The following MSR1 variants were observed in gnomAD, a reference collection of about 807,000 sequenced individuals.
MSR1 encodes the protein macrophage scavenger receptor 1.
A neutral mutation model predicts 47.2 loss-of-function variants in MSR1; 53 were observed. The ratio of observed to expected loss-of-function variants is 1.12; its 90% CI spans 0.90 to 1.41. MSR1 has a LOEUF of 1.41. Among genes scored for constraint, MSR1 ranks in the 40% most tolerant of loss-of-function variants. MSR1 has a pLI of 0.00. For missense variants in MSR1, 786 were observed against 546.9 expected (o/e 1.44, Z -4.36); for synonymous variants, 239 against 185.6 (o/e 1.29, Z -2.34).
chr8:16,150,336 GA>G, intron 6 of MSR1, 25 bp from the exon 7 acceptor site: 1 of 1,418,782 alleles, frequency 7.0e-7, no homozygotes, highest in Non-Finnish European at 9.7e-7. Context: ...AAGAAAAAAA[GA>G]AGGTAATAAT....
At chr8:16,127,528 T>C (rs1800156738) in intron 8 of MSR1, among the ~76,000 whole-genome samples, 1 of 152,122 alleles carries the variant, frequency 6.6e-6, no homozygotes, top group African/African-American at 2.4e-5. Flanking sequence ...AATGAGTATA[T>C]CTTATCTCTA....
chr8:16,185,113 G>C (rs985022266), intron 1 of MSR1, among the ~76,000 whole-genome samples: 2 of 151,004 alleles, frequency 1.3e-5, no homozygotes, highest in East Asian at 2.0e-4. Flanking sequence ...AAAGGGATTG[G>C]TTTATCATGA....
At chr8:16,142,639 C>T (rs1800591130) in intron 8 of MSR1, among the ~76,000 whole-genome samples, 1 of 152,064 alleles carries the variant, frequency 6.6e-6, no homozygotes, top group East Asian at 1.9e-4. Flanking sequence ...TTTTGTAGGG[C>T]AGATAAATTG....
At chr8:16,136,847 C>A (rs1800402975) in intron 8 of MSR1, among the ~76,000 whole-genome samples, 1 of 152,016 alleles carries the variant, frequency 6.6e-6, no homozygotes, top group South Asian at 2.1e-4. Flanking sequence ...GTGATCCACC[C>A]ACCTTGGCCT....
At chr8:16,153,694 G>A (rs913447018) in intron 6 of MSR1, among the ~76,000 whole-genome samples, 14 of 151,970 alleles carry the variant, frequency 9.2e-5, no homozygotes, top group African/African-American at 3.4e-4. Flanking sequence ...CTCCCAAGAT[G>A]AAGCACTGTA....
At chr8:16,131,628 G>A (rs1004813741) in intron 8 of MSR1, among the ~76,000 whole-genome samples, 1 of 151,828 alleles carries the variant, frequency 6.6e-6, no homozygotes, top group Admixed American at 6.6e-5. Flanking sequence ...TTACTTTTAA[G>A]TCTTTAATCC....
At chr8:16,144,858 T>G (rs1378641824) in intron 7 of MSR1, among the ~76,000 whole-genome samples, 2 of 152,086 alleles carry the variant, frequency 1.3e-5, no homozygotes, top group East Asian at 3.9e-4. Context: ...CGCAGTTCAT[T>G]TTATATGGTA....
chr8:16,179,579 T>C (rs1162015770), intron 1 of MSR1, among the ~76,000 whole-genome samples: 1 of 152,082 alleles, frequency 6.6e-6, no homozygotes, highest in Non-Finnish European at 1.5e-5. Context: ...TCCTGGATCT[T>C]TTAAGAAAAT....
intron 8 of MSR1, 64 bp from the exon 9 acceptor site, chr8:16,120,670 T>A: frequency 6.7e-7 from 1 of 1,497,820 alleles, no homozygotes. Context: ...ATGTACATAC[T>A]GCTTTACAGC....
At chr8:16,147,654 C>T (rs1363969032) in intron 7 of MSR1, among the ~76,000 whole-genome samples, 1 of 152,048 alleles carries the variant, frequency 6.6e-6, no homozygotes, top group Non-Finnish European at 1.5e-5. Context: ...AATTTTAGCA[C>T]CTTCTTCAGA....
chr8:16,150,439 C>G (rs1033698535), intron 6 of MSR1, 128 bp from the exon 7 acceptor site: 8 of 382,524 alleles, frequency 2.1e-5, no homozygotes, highest in Non-Finnish European at 1.8e-5. Flanking sequence ...GGAATAATAT[C>G]TTTCCTAAAA....
In MSR1 at chr8:16,108,007, T is replaced by C. The variant is rs1454645504; in HGVS notation, c.*2078A>G. The C allele has an allele frequency of 1.3e-5, 2 of 151,694 alleles. No individual in the cohort carries two copies. Among genetic ancestry groups the C allele is most frequent in the African/African-American group, 4.8e-5 (2 of 41,378 alleles). 9.4% of individuals were successfully genotyped at this position (151,694 alleles called of 1,614,324 possible). On this transcript the variant is annotated 3_prime_UTR_variant, in exon 10 of 10. Coordinates refer to ENST00000262101, the MANE Select transcript of MSR1 (RefSeq NM_138715.3). ...ACTGAACTTAGTAGATTCTCTCAAA[T>C]ACAAAAAGGATTTTTAGATTACTTA...
chr8:16,112,323 C>T (rs1417693216), intron 9 of MSR1, among the ~76,000 whole-genome samples: 1 of 152,008 alleles, frequency 6.6e-6, no homozygotes, highest in Non-Finnish European at 1.5e-5. Flanking sequence ...TAATTATCTC[C>T]ATTTCATAGA....
chr8:16,186,555 G>A (rs431320), intron 1 of MSR1, among the ~76,000 whole-genome samples: 30,425 of 151,614 alleles, frequency 0.2, 3,840 homozygotes, highest in East Asian at 0.43. Context: ...GTTTTCAAAC[G>A]CTATGTAGAA....
At chr8:16,161,923 A>G (rs76740154) in intron 5 of MSR1, among the ~76,000 whole-genome samples, 11,579 of 152,086 alleles carry the variant, frequency 0.076, 613 homozygotes, top group Admixed American at 0.18. Context: ...AAATATTAAA[A>G]TCATGAAATA....
chr8:16,159,241 T>C (rs1003749593), intron 5 of MSR1, among the ~76,000 whole-genome samples: 1 of 151,988 alleles, frequency 6.6e-6, no homozygotes, highest in East Asian at 1.9e-4. Context: ...AGCCAATATA[T>C]CTAAAATGTT....
intron 3 of MSR1, among the ~76,000 whole-genome samples, chr8:16,171,056 T>A (rs1289704042): frequency 6.6e-6 from 1 of 151,904 alleles, no homozygotes; most frequent in Non-Finnish European, 1.5e-5. Flanking sequence ...AAACCCCGTC[T>A]CTACTAAGAA....
At chr8:16,186,342 T>C (rs1483446967) in intron 1 of MSR1, 9 of 682,612 alleles carry the variant, frequency 1.3e-5, no homozygotes, top group Admixed American at 8.5e-5. Flanking sequence ...ACTAGCCTCA[T>C]TGCTTTAAAT....
chr8:16,114,287 T>C (rs1176409036), intron 9 of MSR1, among the ~76,000 whole-genome samples: 2 of 151,944 alleles, frequency 1.3e-5, no homozygotes, highest in South Asian at 2.1e-4. Flanking sequence ...AAAGTGGTAA[T>C]AAAAAAGCAA....
Sources: gnomAD v4.1 joint callset for allele counts (sites outside exome capture counted in the v4.1 genomes callset) on GRCh38, gnomAD v4.1.1 for gene constraint, MANE v1.5 for transcripts, NCBI Gene and HGNC (gene_info 2026-07-23, HGNC 2026-07-21) for gene names.